LIG1: variants seen among roughly 807,000 people sequenced by gnomAD.
LIG1 encodes the protein ligase I, DNA, ATP-dependent.
LIG1 carries 70 observed loss-of-function variants against 115.7 expected under a neutral mutation model. The observed-to-expected ratio is 0.60, with a 90% CI of 0.50 to 0.74. LIG1 has a LOEUF of 0.74. Among genes scored for constraint, LIG1 ranks in the 30% least tolerant of loss-of-function variants. The pLI, the probability that LIG1 is intolerant of heterozygous loss-of-function variation, is 0.00. For synonymous variants in LIG1, 487 were observed against 495.3 expected, an observed-to-expected ratio of 0.98 and a Z score of 0.22; for missense variants, 1,115 against 1,225.6, an observed-to-expected ratio of 0.91 and a Z score of 1.35.
intron 11 of LIG1, among the ~76,000 whole-genome samples, chr19:48,141,600 C>G (rs2034762418): frequency 6.6e-6 from 1 of 152,226 alleles, no homozygotes. Context: ...GGCCGTGTGC[C>G]TGAGGACTGT....
At chr19:48,133,424 A>C in intron 17 of LIG1, 1 of 377,420 alleles carries the variant, frequency 2.6e-6, no homozygotes, top group Non-Finnish European at 5.0e-6. Flanking sequence ...GCCACATTTG[A>C]TCACAGACAT....
chr19:48,151,069 TA>T (rs942558565), intron 7 of LIG1, among the ~76,000 whole-genome samples, 162 bp downstream of exon 7: 31 of 144,950 alleles, frequency 2.1e-4, no homozygotes, highest in African/African-American at 4.5e-4. Flanking sequence ...AAATAATAAT[TA>T]AAAAAAAAAA....
chr19:48,159,455 A>G (rs2036046432), intron 4 of LIG1, among the ~76,000 whole-genome samples: 1 of 152,206 alleles, frequency 6.6e-6, no homozygotes, highest in Admixed American at 6.5e-5. Context: ...CAGAAGCCTC[A>G]GGGTAAAGTC....
Position 48,137,810 on chromosome 19 carries a change from C to T in LIG1, c.1088-122G>A, listed in dbSNP as rs2034495235. ...GTGCTTGTGGCGAGTCCCTGCACCT[C>T]CCTGTGTCTAACGCTCACCCACTTG... On this transcript the variant is annotated intron_variant, in intron 12 of 27. Coordinates refer to ENST00000263274, the MANE Select transcript of LIG1 (RefSeq NM_000234.3). This position sits in a 1 kb window ranked among gnomAD's most constrained non-coding sequence, Gnocchi z 4.3. 2.4e-6 allele frequency: 3 copies of T among 1,239,186 alleles called. No individual in the cohort carries two copies. The highest frequency in any genetic ancestry group is 2.0e-5 in the Admixed American group (1 of 50,230). The allele number at this position is 1,239,186 out of a possible 1,614,324, so 76.8% of individuals were successfully genotyped here.
intron 23 of LIG1, among the ~76,000 whole-genome samples, chr19:48,121,530 G>A (rs1053028112): frequency 6.6e-5 from 10 of 152,170 alleles, no homozygotes; most frequent in East Asian, 1.9e-4. Flanking sequence ...GGCCGGGCAC[G>A]GTGGCTCATG....
chr19:48,118,670 C>T (rs1033741686), intron 25 of LIG1, among the ~76,000 whole-genome samples: 1 of 148,222 alleles, frequency 6.7e-6, no homozygotes, highest in African/African-American at 2.6e-5. Context: ...TCCCAAGTAG[C>T]TGGGACCACA....
In LIG1 at chr19:48,170,250, G is replaced by A. The variant is rs1249569136; in HGVS notation, c.-67C>T. ...GGACGGCCCCACTTGCCTTGCGTTGGTCCCGCGCGCCGCTGCCCGGGCAAC... is the reference window on the plus strand; with the variant it reads ...GGACGGCCCCACTTGCCTTGCGTTGATCCCGCGCGCCGCTGCCCGGGCAAC... On this transcript the variant is annotated 5_prime_UTR_variant, in exon 1 of 28. Transcript: ENST00000263274. 1 of 455,252 alleles carries A rather than the reference G, an allele frequency of 2.2e-6. No homozygotes were observed. Among genetic ancestry groups the A allele is most frequent in the Non-Finnish European group, 4.4e-6 (1 of 226,436 alleles). The allele number at this position is 455,252 out of a possible 1,614,324, so 28.2% of individuals were successfully genotyped here.
At position 48,127,840 on chromosome 19, in the gene LIG1, C is replaced by G. The variant is rs2033770206; in HGVS notation, c.1932+70G>C. 5 of 1,307,670 alleles carry G rather than the reference C, an allele frequency of 3.8e-6. No individual in the cohort carries two copies. In the East Asian group the frequency reaches 9.2e-5, roughly 24 times the overall value. 81.0% of individuals were successfully genotyped at this position (1,307,670 alleles called of 1,614,324 possible). A position where few individuals can be genotyped will look rare whatever the true frequency, so the allele number is the denominator to read the frequency against. ...TGCCCTTCTGGGCACTGGGCAGGAC[C>G]CACAGCCAGGACTGGGTGGAAGATG... On this transcript the variant is annotated intron_variant, in intron 20 of 27. Coordinates refer to ENST00000263274, the MANE Select transcript of LIG1 (RefSeq NM_000234.3).
intron 16 of LIG1, 131 bp downstream of exon 16, chr19:48,135,549 C>A: frequency 1.3e-6 from 1 of 788,684 alleles, no homozygotes; most frequent in Non-Finnish European, 2.3e-6. Context: ...TGCTCTCAGT[C>A]ACCCCGTGAC....
In LIG1 at chr19:48,122,176, A is replaced by G. The variant is rs1427000490; in HGVS notation, c.2232+758T>C. 6.5e-6 allele frequency: 1 copy of G among 153,718 alleles called. No homozygotes were observed. The highest frequency in any genetic ancestry group is 1.4e-5 in the Non-Finnish European group (1 of 69,356). The allele number at this position is 153,718 out of a possible 1,614,324, so 9.5% of individuals were successfully genotyped here. A position where few individuals can be genotyped will look rare whatever the true frequency, so the allele number is the denominator to read the frequency against. Reference sequence around the variant, plus strand: ...TGTCCACCCCTCACTGCCCCTCTCCACTCAAACATCCATCAACTCTTACTG... The same window carrying G: ...TGTCCACCCCTCACTGCCCCTCTCCGCTCAAACATCCATCAACTCTTACTG... On this transcript the variant is annotated intron_variant, in intron 23 of 27. Coordinates refer to ENST00000263274, the MANE Select transcript of LIG1 (RefSeq NM_000234.3). The surrounding 1 kb of genome is among the most constrained non-coding windows in gnomAD (Gnocchi z 4.3).
intron 2 of LIG1, 73 bp downstream of exon 2, chr19:48,165,477 T>C: frequency 1.6e-6 from 2 of 1,214,288 alleles, no homozygotes; most frequent in Non-Finnish European, 1.2e-6. Flanking sequence ...GTTTGTTTTT[T>C]TAAGTACAGA....
chr19:48,146,758 T>TG (rs1179529775), intron 9 of LIG1, among the ~76,000 whole-genome samples: 1 of 152,210 alleles, frequency 6.6e-6, no homozygotes, highest in Non-Finnish European at 1.5e-5. Context: ...TGATTTTATT[T>TG]GGAAAACATA....
Position 48,143,935 on chromosome 19 carries a change from C to A in LIG1, c.805G>T (p.Ala269Ser), listed in dbSNP as rs201846395. 5.0e-6 allele frequency: 8 copies of A among 1,614,026 alleles called. No homozygotes were observed. The highest frequency in any genetic ancestry group is 6.8e-6 in the Non-Finnish European group (8 of 1,179,960). The stretch of plus-strand genomic sequence containing the variant: ...TCCACGGGATGATAGTTGTTCTTGG[C>A]AGGATTGTAACCAGATGGATCCAGG... ...GPLDPSGYNPAKNNYHPVEDA... is the reference protein window; with the variant it reads ...GPLDPSGYNPSKNNYHPVEDA... The change falls in exon 10 of 28, where the codon GCC (alanine) becomes TCC (serine). Residue 269 changes from alanine (A) to serine (S), a missense_variant. Ala to Ser is a moderately conservative substitution (Grantham distance 99). Transcript: ENST00000263274.
intron 9 of LIG1, among the ~76,000 whole-genome samples, chr19:48,144,493 G>T (rs1259111622): frequency 2.0e-5 from 3 of 152,102 alleles, no homozygotes; most frequent in Non-Finnish European, 4.4e-5. Flanking sequence ...ATCAGACATG[G>T]GAGGAAGGGA....
rs901319699 is a variant in LIG1, at chr19:48,122,493, G to A, written c.2232+441C>T. 4.0e-5 allele frequency: 12 copies of A among 301,096 alleles called. No homozygotes were observed. Among genetic ancestry groups the A allele is most frequent in the African/African-American group, 1.7e-4 (8 of 46,024 alleles). 18.7% of individuals were successfully genotyped at this position (301,096 alleles called of 1,614,324 possible). ...TGCACCGGGGGTTTTCCTCCCTAGTGCTCTGTCCCTCACTTTGGGAAAGAC... is the reference window on the plus strand; with the variant it reads ...TGCACCGGGGGTTTTCCTCCCTAGTACTCTGTCCCTCACTTTGGGAAAGAC... On this transcript the variant is annotated intron_variant, in intron 23 of 27. Coordinates refer to ENST00000263274, the MANE Select transcript of LIG1 (RefSeq NM_000234.3). The surrounding 1 kb of genome is among the most constrained non-coding windows in gnomAD (Gnocchi z 4.3).
intron 6 of LIG1, among the ~76,000 whole-genome samples, chr19:48,153,047 A>C (rs2035574483): frequency 6.6e-6 from 1 of 152,024 alleles, no homozygotes; most frequent in African/African-American, 2.4e-5. Context: ...AAATACAAAA[A>C]TTAGCTGGGC....
At position 48,137,386 on chromosome 19, in the gene LIG1, G is replaced by A. The variant is rs948913051; in HGVS notation, c.1254+136C>T. 4.4e-6 allele frequency: 5 copies of A among 1,126,006 alleles called. No individual in the cohort carries two copies. Among genetic ancestry groups the A allele is most frequent in the African/African-American group, 1.5e-5 (1 of 65,244 alleles). 69.8% of individuals were successfully genotyped at this position (1,126,006 alleles called of 1,614,324 possible). On this transcript the variant is annotated intron_variant, in intron 13 of 27. Transcript: ENST00000263274. This position sits in a 1 kb window ranked among gnomAD's most constrained non-coding sequence, Gnocchi z 4.3. ...CCCTAGGATTGGGTGCAGGAAGGAGGAGAGGAAGCTGTGCACCCCATGAGA... is the reference window on the plus strand; with the variant it reads ...CCCTAGGATTGGGTGCAGGAAGGAGAAGAGGAAGCTGTGCACCCCATGAGA...
At chr19:48,115,754 G>A (rs763391771) in intron 27 of LIG1, 22 bp from the exon 28 acceptor site, 16 of 1,605,598 alleles carry the variant, frequency 1.0e-5, no homozygotes, top group African/African-American at 1.3e-5. Context: ...GGGTGGGACG[G>A]GGTGGTCAGA....
Position 48,158,616 on chromosome 19 carries a change from C to G in LIG1, c.244-1476G>C, listed in dbSNP as rs143391485. 7.2e-5 allele frequency among the ~76,000 whole-genome samples: 11 copies of G among 152,366 alleles called. No individual in the cohort carries two copies. In the East Asian group the frequency reaches 1.7e-3, roughly 24 times the overall value. On this transcript the variant is annotated intron_variant, in intron 4 of 27. Transcript: ENST00000263274. ...AAATCTTCTTCTTGCTCTGGCGCCA[C>G]CTGGGCATCAGGCAGTGCCAATGGA...
Sources: gnomAD v4.1 joint callset for allele counts (sites outside exome capture counted in the v4.1 genomes callset) on GRCh38, gnomAD v4.1.1 for gene constraint, Gnocchi (gnomAD v3.1) non-coding constraint, MANE v1.5 for transcripts, NCBI Gene and HGNC (gene_info 2026-07-23, HGNC 2026-07-21) for gene names.